Variants in GRB2 observed in about 807,000 individuals in gnomAD.
GRB2 encodes the protein growth factor receptor bound protein 2.
In GRB2, 2 loss-of-function variants were observed where a neutral mutation model predicts 27.4. The observed-to-expected ratio is 0.07, with a 90% confidence interval of 0.03 to 0.23. The LOEUF (loss-of-function observed/expected upper bound fraction) is 0.23, where lower values mean the gene tolerates loss of function less well. Among genes scored for constraint, GRB2 ranks in the 10% least tolerant of loss-of-function variants. GRB2 has a pLI of 1.00. For missense variants in GRB2, 102 were observed against 282.4 expected (o/e 0.36, Z 4.58); for synonymous variants, 94 against 99.6 (o/e 0.94, Z 0.33).
At chr17:75,327,883 T>C (rs961419328) in intron 3 of GRB2, among the ~76,000 whole-genome samples, 2 of 152,150 alleles carry the variant, frequency 1.3e-5, no homozygotes, top group African/African-American at 4.8e-5. Flanking sequence ...CTTTCTCATT[T>C]TGCATACTCT....
intron 2 of GRB2, among the ~76,000 whole-genome samples, chr17:75,362,388 C>T (rs1431410485): frequency 6.6e-6 from 1 of 151,840 alleles, no homozygotes; most frequent in Non-Finnish European, 1.5e-5. Flanking sequence ...GTTTTTTCAC[C>T]CTCCAAGAAC....
intron 2 of GRB2, chr17:75,387,690 C>A (rs559790231): frequency 6.6e-6 from 1 of 151,704 alleles, no homozygotes; most frequent in African/African-American, 2.4e-5. Context: ...CCCATCTACT[C>A]GGGAGGCTGA....
intron 2 of GRB2, among the ~76,000 whole-genome samples, chr17:75,352,365 AAG>A (rs1284364912): frequency 1.3e-5 from 2 of 152,226 alleles, no homozygotes; most frequent in African/African-American, 4.8e-5. Flanking sequence ...ACCTGCAGAG[AAG>A]AGAGGGACTA....
At chr17:75,369,289 T>C (rs1271747910) in intron 2 of GRB2, among the ~76,000 whole-genome samples, 1 of 152,170 alleles carries the variant, frequency 6.6e-6, no homozygotes, top group Non-Finnish European at 1.5e-5. Flanking sequence ...GAGTTCACAA[T>C]GCGACATATC....
At chr17:75,376,682 T>C (rs918025551) in intron 2 of GRB2, among the ~76,000 whole-genome samples, 3 of 152,096 alleles carry the variant, frequency 2.0e-5, no homozygotes, top group African/African-American at 7.2e-5. Flanking sequence ...GTACCCTTCC[T>C]TCTTTTAAAC....
chr17:75,391,677 G>A (rs764594332), intron 2 of GRB2, among the ~76,000 whole-genome samples: 3 of 151,964 alleles, frequency 2.0e-5, no homozygotes, highest in Admixed American at 1.3e-4. Flanking sequence ...GCGTGGTGGC[G>A]GGCGCCTGTA....
chr17:75,373,777 A>G (rs2078871511), intron 2 of GRB2: 1 of 147,740 alleles, frequency 6.8e-6, no homozygotes, highest in Non-Finnish European at 1.5e-5. Flanking sequence ...ATTTGTTGCT[A>G]TAATTCATCA....
intron 2 of GRB2, among the ~76,000 whole-genome samples, chr17:75,384,544 C>T (rs754517126): frequency 1.3e-5 from 2 of 152,004 alleles, no homozygotes; most frequent in Admixed American, 6.6e-5. Context: ...GTGGCACATG[C>T]CTATAATCCC....
At chr17:75,350,990 G>A (rs1276378151) in intron 2 of GRB2, among the ~76,000 whole-genome samples, 2 of 152,174 alleles carry the variant, frequency 1.3e-5, no homozygotes, top group African/African-American at 2.4e-5. Context: ...CGACTGTGCA[G>A]GGCAGAATAA....
rs775141876 is a variant in GRB2 at position 75,380,495 on chromosome 17, T to C, written c.78+13056A>G. Among the ~76,000 whole-genome samples, 118 of 152,344 alleles carry C rather than the reference T, an allele frequency of 7.7e-4. No individual in the cohort carries two copies. In the Middle Eastern group the frequency reaches 0.024, roughly 31 times the overall value. Reference sequence around the variant, plus strand: ...AGTATATGTGAGTAAGGATGTTTCATTAAGTTACAATACTTGTTTCTCAAA... The same window carrying C: ...AGTATATGTGAGTAAGGATGTTTCACTAAGTTACAATACTTGTTTCTCAAA... On this transcript the variant is annotated intron_variant, in intron 2 of 5. Transcript: ENST00000316804.
rs1238539339 is a variant in GRB2 at position 75,320,691 on chromosome 17, AC to A, written c.469-139del. The A allele has an allele frequency of 2.0e-5, 13 of 635,156 alleles. No homozygotes were observed. The highest frequency in any genetic ancestry group is 5.5e-5 in the African/African-American group (3 of 54,632). 39.3% of individuals were successfully genotyped at this position (635,156 alleles called of 1,614,324 possible). A position where few individuals can be genotyped will look rare whatever the true frequency, so the allele number is the denominator to read the frequency against. On this transcript the variant is annotated intron_variant, in intron 5 of 5. Transcript: ENST00000316804. This position sits in a 1 kb window ranked among gnomAD's most constrained non-coding sequence, Gnocchi z 4.3. ...TCTTAAACTCACCTCCCATCTCCCA[AC>A]CCCCCGTTTATTCTTACCTATTCTA...
intron 2 of GRB2, among the ~76,000 whole-genome samples, chr17:75,340,796 T>C (rs1328080340): frequency 6.6e-6 from 1 of 152,202 alleles, no homozygotes; most frequent in East Asian, 1.9e-4. Flanking sequence ...ATGAAAAACA[T>C]CTTGGCAATG....
intron 2 of GRB2, among the ~76,000 whole-genome samples, chr17:75,363,746 G>C (rs1257328819): frequency 6.6e-6 from 1 of 151,758 alleles, no homozygotes; most frequent in Non-Finnish European, 1.5e-5. Context: ...TGTAGTCCCA[G>C]CTACTCGGGA....
intron 2 of GRB2, among the ~76,000 whole-genome samples, chr17:75,356,858 C>T (rs2078737225): frequency 6.6e-6 from 1 of 152,216 alleles, no homozygotes; most frequent in Non-Finnish European, 1.5e-5. Context: ...CTGGCCACTT[C>T]CTGTTGGGTC....
rs1396202278 is a variant in GRB2, at chr17:75,318,908, C to T, written c.*1460G>A. On this transcript the variant is annotated 3_prime_UTR_variant, in exon 6 of 6. Transcript: ENST00000316804. Reference sequence around the variant, plus strand: ...TTCCCATGACTTCCTCCTCCGCTCTCCTTGTCTGGGACTTGCTGGTTCCAG... The same window carrying T: ...TTCCCATGACTTCCTCCTCCGCTCTTCTTGTCTGGGACTTGCTGGTTCCAG... 6.6e-6 allele frequency: 1 copy of T among 152,384 alleles called. No homozygotes were observed. Among genetic ancestry groups the T allele is most frequent in the African/African-American group, 2.4e-5 (1 of 41,408 alleles). 9.4% of individuals were successfully genotyped at this position (152,384 alleles called of 1,614,324 possible). A position where few individuals can be genotyped will look rare whatever the true frequency, so the allele number is the denominator to read the frequency against.
At chr17:75,357,228 T>C (rs867268504) in intron 2 of GRB2, among the ~76,000 whole-genome samples, 44 of 152,198 alleles carry the variant, frequency 2.9e-4, no homozygotes, top group African/African-American at 1.0e-3. Context: ...TCTACACTGA[T>C]GTAGTTAAGT....
At chr17:75,351,728 C>T (rs945288874) in intron 2 of GRB2, among the ~76,000 whole-genome samples, 2 of 152,128 alleles carry the variant, frequency 1.3e-5, no homozygotes, top group Admixed American at 1.3e-4. Context: ...GGGATAATCC[C>T]TCACCTAGAA....
At position 75,393,543 on chromosome 17, in the gene GRB2, G is replaced by C. The variant is rs61764598; in HGVS notation, c.78+8C>G. ...GATCTCAGCATTGTGCTCGGCATCAGCACTTACCTTGAGGATGTCCCCCCT... is the reference window on the plus strand; with the variant it reads ...GATCTCAGCATTGTGCTCGGCATCACCACTTACCTTGAGGATGTCCCCCCT... On this transcript the variant is annotated splice_region_variant and intron_variant, in intron 2 of 5. Transcript: ENST00000316804. 8.3e-4 allele frequency: 1,329 copies of C among 1,610,100 alleles called. 8 individuals carry two copies. The African/African-American group carries it at 0.014, about 17-fold the overall frequency.
rs1343641400 is a variant in GRB2 at position 75,404,007 on chromosome 17, G to A, written c.-138+1482C>T. The stretch of plus-strand genomic sequence containing the variant: ...GGGCGCCTGTGATCCCAGCTACTCG[G>A]GAGGCTGAGGCAGGAGAATCGCTTG... On this transcript the variant is annotated intron_variant, in intron 1 of 5. Transcript: ENST00000316804. 2.0e-5 allele frequency among the ~76,000 whole-genome samples: 3 copies of A among 151,912 alleles called. No individual in the cohort carries two copies. In the East Asian group the frequency reaches 5.8e-4, roughly 30 times the overall value.
Sources: gnomAD v4.1 joint callset for allele counts (sites outside exome capture counted in the v4.1 genomes callset) on GRCh38, gnomAD v4.1.1 for gene constraint, Gnocchi (gnomAD v3.1) non-coding constraint, MANE v1.5 for transcripts, NCBI Gene and HGNC (gene_info 2026-07-23, HGNC 2026-07-21) for gene names.